TAF2: variants seen among roughly 807,000 people sequenced by gnomAD.
The protein encoded by TAF2 is transcription initiation factor TFIID subunit 2.
Under a neutral mutation model 138.5 loss-of-function variants are expected in TAF2, and 61 were observed. That is an observed-to-expected ratio of 0.44 (90% confidence interval 0.36 to 0.54). The LOEUF (loss-of-function observed/expected upper bound fraction) is 0.54, where lower values mean the gene tolerates loss of function less well. TAF2 is among the 20% of genes least tolerant of loss of function. TAF2 has a pLI of 0.00. For missense variants in TAF2, 1,090 were observed against 1,427.9 expected (o/e 0.76, Z 3.81); for synonymous variants, 475 against 469.9 (o/e 1.01, Z -0.14).
intron 18 of TAF2, among the ~76,000 whole-genome samples, chr8:119,775,038 T>C (rs1052352810): frequency 3.3e-5 from 5 of 151,948 alleles, no homozygotes; most frequent in African/African-American, 1.2e-4. Flanking sequence ...ATCAGCACTT[T>C]GGGAGGCCAA....
chr8:119,743,432 CA>C (rs1422993621), intron 24 of TAF2, among the ~76,000 whole-genome samples: 1 of 151,290 alleles, frequency 6.6e-6, no homozygotes, highest in Non-Finnish European at 1.5e-5. Context: ...AGAACAGGAC[CA>C]GGGAAAAAGC....
At position 119,769,514 on chromosome 8, in the gene TAF2, G is replaced by T. The variant is rs192200536; in HGVS notation, c.2365-6906C>A. ...GGATGAAGAATTCAAAATATGGATT[G>T]AAAGGAAGCCCAAAGAGACACAAGA... On this transcript the variant is annotated intron_variant, in intron 18 of 25. Transcript: ENST00000378164. 7.6e-4 allele frequency among the ~76,000 whole-genome samples: 116 copies of T among 152,126 alleles called. 2 individuals are homozygous for T. Among genetic ancestry groups the T allele is most frequent in the Non-Finnish European group, 7.4e-5 (5 of 67,994 alleles).
chr8:119,819,325 C>CTT, intron 3 of TAF2, 21 bp downstream of exon 3: 1 of 1,610,150 alleles, frequency 6.2e-7, no homozygotes, highest in South Asian at 1.1e-5. Context: ...AAAATAGTGA[C>CTT]TTTTAAAGTG....
chr8:119,733,200 A>G (rs1433949), intron 25 of TAF2, among the ~76,000 whole-genome samples: 25,269 of 152,124 alleles, frequency 0.17, 4,023 homozygotes, highest in African/African-American at 0.42. Context: ...TAAACATGCT[A>G]TTCTAGCTAC....
rs144614307 is a variant in TAF2 at position 119,801,836 on chromosome 8, G to A, written c.750C>T (p.Ala250=). Residue 250 remains alanine, a synonymous_variant, in exon 6 of 26, where the codon GCC becomes GCT. Transcript: ENST00000378164. ...IPTAASNISL[A]IGPFEILVDP... ...CTACCAGTATTTCAAATGGTCCAAT[G>A]GCCAAGGAGATATTTGACGCTGCTG... The A allele has an allele frequency of 3.7e-5, 59 of 1,614,048 alleles. No individual in the cohort carries two copies. Among genetic ancestry groups the A allele is most frequent in the East Asian group, 1.8e-4 (8 of 44,898 alleles).
Position 119,772,133 on chromosome 8 carries a change from AAT to A in TAF2, c.2364+5884_2364+5885del, listed in dbSNP as rs1463895314. Among the ~76,000 whole-genome samples, 7 of 152,334 alleles carry A rather than the reference AAT, an allele frequency of 4.6e-5. 1 individual carries two copies. In the South Asian group the frequency reaches 1.4e-3, roughly 32 times the overall value. ...CAAGACAAATAAAAAAAAGAATGAAAATAGAGATACAACATACCAAAACCTCT... is the reference window on the plus strand; with the variant it reads ...CAAGACAAATAAAAAAAAGAATGAAAAGAGATACAACATACCAAAACCTCT... On this transcript the variant is annotated intron_variant, in intron 18 of 25. Transcript: ENST00000378164.
chr8:119,756,219 C>T (rs1408188307), intron 21 of TAF2, 104 bp from the exon 22 acceptor site: 1 of 758,974 alleles, frequency 1.3e-6, no homozygotes, highest in Non-Finnish European at 2.3e-6. Flanking sequence ...TTCCTCCTTC[C>T]TATTTTAACA....
At chr8:119,809,731 C>G (rs538188809) in intron 3 of TAF2, among the ~76,000 whole-genome samples, 5 of 152,116 alleles carry the variant, frequency 3.3e-5, no homozygotes, top group African/African-American at 1.2e-4. Flanking sequence ...ACAGCTGGTC[C>G]ACAGAGTAGT....
At chr8:119,746,637 A>C (rs143601758) in intron 23 of TAF2, 68 bp downstream of exon 23, 1 of 1,527,026 alleles carries the variant, frequency 6.5e-7, no homozygotes, top group East Asian at 2.3e-5. Context: ...AGTTCACAGG[A>C]AACAATTCTC....
chr8:119,831,804 C>T (rs1422008171), intron 1 of TAF2, 73 bp from the exon 2 acceptor site: 1 of 1,045,816 alleles, frequency 9.6e-7, no homozygotes, highest in East Asian at 2.8e-5. Flanking sequence ...TAATTCTATC[C>T]AAGTATAAAT....
At chr8:119,734,315 TTTCAC>T (rs1383856715) in intron 25 of TAF2, among the ~76,000 whole-genome samples, 1 of 152,130 alleles carries the variant, frequency 6.6e-6, no homozygotes, top group African/African-American at 2.4e-5. Context: ...AGAAAAGGCT[TTTCAC>T]TAAAATAGAT....
At position 119,818,257 on chromosome 8, in the gene TAF2, T is replaced by G. The variant is rs1211308694; in HGVS notation, c.299+1089A>C. Among the ~76,000 whole-genome samples, 3 of 152,220 alleles carry G rather than the reference T, an allele frequency of 2.0e-5. No individual in the cohort carries two copies. In the East Asian group the frequency reaches 5.8e-4, roughly 29 times the overall value. ...TTCTGATTCAGTGGGTCTGGGGTAT[T>G]GATTGAGAACTGGCCTGTAGAACAA... On this transcript the variant is annotated intron_variant, in intron 3 of 25. Transcript: ENST00000378164.
At chr8:119,805,121 A>C (rs1824530463) in intron 4 of TAF2, among the ~76,000 whole-genome samples, 1 of 152,230 alleles carries the variant, frequency 6.6e-6, no homozygotes, top group Non-Finnish European at 1.5e-5. Context: ...CTAAATAAGC[A>C]AGGCAGAAGC....
chr8:119,803,833 T>A (rs1563903997), intron 5 of TAF2, 45 bp downstream of exon 5: 3 of 1,552,276 alleles, frequency 1.9e-6, no homozygotes, highest in Admixed American at 3.6e-5. Flanking sequence ...ACATAAAAAA[T>A]GCAATTTAAA....
chr8:119,801,347 A>G (rs1358688157), intron 6 of TAF2, among the ~76,000 whole-genome samples: 1 of 152,152 alleles, frequency 6.6e-6, no homozygotes, highest in Non-Finnish European at 1.5e-5. Context: ...ATCATTATAT[A>G]TATTAGATAA....
chr8:119,832,453 G>C (rs750945449), intron 1 of TAF2, 29 bp downstream of exon 1: 2 of 1,606,826 alleles, frequency 1.2e-6, no homozygotes, highest in Non-Finnish European at 8.5e-7. Context: ...AAAACCAAAA[G>C]GAAGGAAGGG....
At chr8:119,798,748 A>T (rs1356829648) in intron 6 of TAF2, among the ~76,000 whole-genome samples, 1 of 152,196 alleles carries the variant, frequency 6.6e-6, no homozygotes, top group East Asian at 1.9e-4. Context: ...AGGCAAGGGA[A>T]ATTTTTATCA....
At chr8:119,783,008 G>GAC (rs35199230) in intron 16 of TAF2, among the ~76,000 whole-genome samples, 3,473 of 150,414 alleles carry the variant, frequency 0.023, 101 homozygotes, top group African/African-American at 0.066. Context: ...CACACCCACA[G>GAC]ACACACACAC....
chr8:119,757,909 A>G (rs1420255802), intron 21 of TAF2, among the ~76,000 whole-genome samples, 164 bp downstream of exon 21: 3 of 152,206 alleles, frequency 2.0e-5, no homozygotes, highest in Non-Finnish European at 4.4e-5. Flanking sequence ...AAAAAAACAA[A>G]TAACTTTTAT....
Sources: allele counts gnomAD v4.1 joint callset (sites outside exome capture counted in the v4.1 genomes callset), GRCh38; gene constraint gnomAD v4.1.1; transcripts MANE v1.5; gene names NCBI Gene and HGNC (gene_info 2026-07-23, HGNC 2026-07-21).